Variants in SLC26A4 observed in about 807,000 individuals in gnomAD.
SLC26A4 encodes the protein pendrin.
A neutral mutation model predicts 90.4 loss-of-function variants in SLC26A4; 93 were observed. The ratio of observed to expected loss-of-function variants is 1.03; its 90% CI spans 0.87 to 1.22. The LOEUF (loss-of-function observed/expected upper bound fraction) is 1.22. SLC26A4 is among the 50% of genes most tolerant of loss of function. The probability of loss-of-function intolerance (pLI) is 0.00; values close to 1 mark genes in which losing one functional copy is unlikely to be tolerated. For synonymous variants in SLC26A4, 393 were observed against 354.6 expected (o/e 1.11, Z -1.22); for missense variants, 1,127 against 946.2 (o/e 1.19, Z -2.51).
At chr7:107,669,370 T>A (rs1790804899) in intron 3 of SLC26A4, among the ~76,000 whole-genome samples, 1 of 152,214 alleles carries the variant, frequency 6.6e-6, no homozygotes, top group African/African-American at 2.4e-5. Context: ...ACACTCTGTA[T>A]GAAAACTGAA....
In SLC26A4 at chr7:107,710,082, C is replaced by T. The variant is rs142656144; in HGVS notation, c.2118C>T (p.Cys706=). 22 of 1,612,694 alleles carry T rather than the reference C, an allele frequency of 1.4e-5. No homozygotes were observed. Among genetic ancestry groups the T allele is most frequent in the South Asian group, 7.7e-5 (7 of 91,062 alleles). ...ATGTGATAGAAAAGCTGGAGCAATG[C>T]GGGTTCTTTGACGACAACATTAGAA... ...QDYVIEKLEQ[C]GFFDDNIRKD... is the part of the protein sequence containing the mutation. The change falls in exon 19 of 21, where the codon TGC becomes TGT. Residue 706 remains cysteine (C), a synonymous_variant. Coordinates refer to ENST00000644269, the MANE Select transcript of SLC26A4 (RefSeq NM_000441.2).
At chr7:107,697,344 C>T (rs1251496841) in intron 13 of SLC26A4, among the ~76,000 whole-genome samples, 1 of 152,196 alleles carries the variant, frequency 6.6e-6, no homozygotes, top group Admixed American at 6.5e-5. Context: ...CAACAAAAAG[C>T]AGTATCCTCC....
At position 107,661,293 on chromosome 7, in the gene SLC26A4, A is replaced by C; in HGVS notation, c.-3-346A>C. The C allele has an allele frequency of 2.6e-6, 1 of 386,740 alleles. No homozygotes were observed. The highest frequency in any genetic ancestry group is 2.9e-5 in the South Asian group (1 of 35,024). 24.0% of individuals were successfully genotyped at this position (386,740 alleles called of 1,614,324 possible). A position where few individuals can be genotyped will look rare whatever the true frequency, so the allele number is the denominator to read the frequency against. ...GCCCCAGCCCCTCGGTTTGGGGGAG[A>C]TTTCAGAACGCGGACAGCGCCCTGG... is the stretch of plus-strand genomic sequence containing the variant. On this transcript the variant is annotated intron_variant, in intron 1 of 20. Coordinates refer to ENST00000644269, the MANE Select transcript of SLC26A4 (RefSeq NM_000441.2). This position sits in a 1 kb window ranked among gnomAD's most constrained non-coding sequence, Gnocchi z 5.1.
intron 6 of SLC26A4, among the ~76,000 whole-genome samples, chr7:107,681,878 G>A (rs1791238989): frequency 6.6e-6 from 1 of 151,780 alleles, no homozygotes; most frequent in African/African-American, 2.4e-5. Flanking sequence ...GAGGCCAGGA[G>A]TTCAAGACCA....
At position 107,717,403 on chromosome 7, in the gene SLC26A4, T is replaced by C. The variant is rs1357388200; in HGVS notation, c.*1957T>C. 2 of 144,504 alleles carry C rather than the reference T, an allele frequency of 1.4e-5. No individual in the cohort carries two copies. Among genetic ancestry groups the C allele is most frequent in the East Asian group, 2.0e-4 (1 of 5,014 alleles). The allele number at this position is 144,504 out of a possible 1,614,324, so 9.0% of individuals were successfully genotyped here. Reference sequence around the variant, plus strand: ...AAAAAAAAAAAAAGAGTGAATGTAATAGTCTTGCAGAAAATGAATGAATAC... The same window carrying C: ...AAAAAAAAAAAAAGAGTGAATGTAACAGTCTTGCAGAAAATGAATGAATAC... On this transcript the variant is annotated 3_prime_UTR_variant, in exon 21 of 21. Transcript: ENST00000644269.
chr7:107,674,803 C>A, intron 5 of SLC26A4, 142 bp from the exon 6 acceptor site: 1 of 757,240 alleles, frequency 1.3e-6, no homozygotes, highest in Non-Finnish European at 2.3e-6. Context: ...TTAAGAAATT[C>A]ATATTTTTTT....
chr7:107,670,008 C>A (rs188347790), intron 3 of SLC26A4, among the ~76,000 whole-genome samples: 44 of 152,134 alleles, frequency 2.9e-4, no homozygotes, highest in African/African-American at 6.0e-4. Context: ...TAATTTATTT[C>A]TTAAGCTAGA....
rs17154347 is a variant in SLC26A4 at position 107,710,094 on chromosome 7, C to A, written c.2130C>A (p.Asp710Glu). The A allele has an allele frequency of 6.2e-7, 1 of 1,611,592 alleles. No homozygotes were observed. Among genetic ancestry groups the A allele is most frequent in the Non-Finnish European group, 8.5e-7 (1 of 1,177,760 alleles). ...IEKLEQCGFF[D>E]DNIRKDTFFL... Reference sequence around the variant, plus strand: ...AGCTGGAGCAATGCGGGTTCTTTGACGACAACATTAGAAAGGACACATTCT... The same window carrying A: ...AGCTGGAGCAATGCGGGTTCTTTGAAGACAACATTAGAAAGGACACATTCT... The change falls in exon 19 of 21, where the codon GAC (aspartate) becomes GAA (glutamate). Residue 710 changes from aspartate to glutamate, a missense_variant. Transcript: ENST00000644269.
intron 10 of SLC26A4, 132 bp downstream of exon 10, chr7:107,690,369 G>T: frequency 2.9e-6 from 2 of 700,610 alleles, no homozygotes; most frequent in South Asian, 1.5e-5. Context: ...TTCACCTCAG[G>T]CCTATTCCTC....
Position 107,661,797 on chromosome 7 carries a change from G to T in SLC26A4, c.156G>T (p.Lys52Asn). Residue 52 changes from lysine to asparagine, a missense_variant, in exon 2 of 21, where the codon AAG (lysine) becomes AAT (asparagine). Transcript: ENST00000644269. The surrounding 1 kb of genome is among the most constrained non-coding windows in gnomAD (Gnocchi z 5.1). ...AGACGCTGCGGGAGAGCCTGGCCAAGTGCTGCAGGTAGCGGCCGCGCGGGC... is the reference window on the plus strand; with the variant it reads ...AGACGCTGCGGGAGAGCCTGGCCAATTGCTGCAGGTAGCGGCCGCGCGGGC... ...ERKTLRESLA[K>N]CCSCSRKRAF... 1 of 1,537,198 alleles carries T rather than the reference G, an allele frequency of 6.5e-7. No homozygotes were observed.
intron 19 of SLC26A4, among the ~76,000 whole-genome samples, chr7:107,711,374 C>A (rs913957759): frequency 6.6e-6 from 1 of 152,012 alleles, no homozygotes; most frequent in Non-Finnish European, 1.5e-5. Context: ...TTTGTTTATA[C>A]CCATTCTTAC....
intron 3 of SLC26A4, among the ~76,000 whole-genome samples, chr7:107,666,161 G>A (rs1246090022): frequency 6.6e-6 from 1 of 152,148 alleles, no homozygotes; most frequent in Non-Finnish European, 1.5e-5. Flanking sequence ...ATTATAGATT[G>A]CAATATCTAT....
chr7:107,665,726 T>C (rs2129309767), intron 3 of SLC26A4, among the ~76,000 whole-genome samples: 1 of 152,354 alleles, frequency 6.6e-6, no homozygotes, highest in South Asian at 2.1e-4. Flanking sequence ...TGTTGCCAGC[T>C]ATCTCATTTA....
At chr7:107,671,980 AT>A (rs1194957702) in intron 3 of SLC26A4, among the ~76,000 whole-genome samples, 157 bp from the exon 4 acceptor site, 2 of 152,238 alleles carry the variant, frequency 1.3e-5, no homozygotes, top group African/African-American at 2.4e-5. Context: ...GAAAAACAGA[AT>A]GGTTGTATGG....
rs754272462 is a variant in SLC26A4, at chr7:107,694,582, T to C, written c.1342-39T>C. On this transcript the variant is annotated intron_variant, in intron 11 of 20. Transcript: ENST00000644269. ...TTAACAATCATCACATGGAAAACCA[T>C]TCCCTGAATAACACAGCCTTCTCTG... 1.9e-6 allele frequency: 3 copies of C among 1,563,752 alleles called. No individual in the cohort carries two copies. In the Admixed American group the frequency reaches 5.0e-5, roughly 26 times the overall value.
chr7:107,710,958 T>G lies in SLC26A4; in HGVS notation c.2235+759T>G, dbSNP rs572222882. On this transcript the variant is annotated intron_variant, in intron 19 of 20. Transcript: ENST00000644269. ...CAGTGACATCGTGGATATTTTAAATTGCTTCCCATTTTTCTAAAAGTAGAA... is the reference window on the plus strand; with the variant it reads ...CAGTGACATCGTGGATATTTTAAATGGCTTCCCATTTTTCTAAAAGTAGAA... Among the ~76,000 whole-genome samples the G allele has an allele frequency of 2.0e-5, 3 of 152,318 alleles. No homozygotes were observed. The South Asian group carries it at 6.2e-4, about 32-fold the overall frequency.
intron 3 of SLC26A4, among the ~76,000 whole-genome samples, chr7:107,666,499 G>T (rs1790719812): frequency 6.6e-6 from 1 of 152,182 alleles, no homozygotes; most frequent in South Asian, 2.1e-4. Context: ...TGGGATTAGA[G>T]GTGTGAGCCA....
intron 12 of SLC26A4, among the ~76,000 whole-genome samples, chr7:107,695,264 G>A (rs1791707071): frequency 2.6e-5 from 4 of 152,112 alleles, no homozygotes; most frequent in Admixed American, 2.6e-4. Context: ...AAATGCTGGG[G>A]AAAAGCACAG....
rs565083606 is a variant in SLC26A4 at position 107,710,890 on chromosome 7, A to G, written c.2235+691A>G. ...TCATTTCTCATAGTGAATTTAGGAA[A>G]CTAAAGCAAATACCTATCAAGATAT... On this transcript the variant is annotated intron_variant, in intron 19 of 20. Coordinates refer to ENST00000644269, the MANE Select transcript of SLC26A4 (RefSeq NM_000441.2). Among the ~76,000 whole-genome samples the G allele has an allele frequency of 2.6e-5, 4 of 152,316 alleles. No individual in the cohort carries two copies. In the South Asian group the frequency reaches 8.3e-4, roughly 32 times the overall value.
Sources: allele counts gnomAD v4.1 joint callset (sites outside exome capture counted in the v4.1 genomes callset), GRCh38; gene constraint gnomAD v4.1.1; non-coding constraint Gnocchi (gnomAD v3.1); transcripts MANE v1.5; gene names NCBI Gene and HGNC (gene_info 2026-07-23, HGNC 2026-07-21).